TNIP3: variants seen among roughly 807,000 people sequenced by gnomAD.
The protein encoded by TNIP3 is TNFAIP3-interacting protein 3.
A neutral mutation model predicts 54.1 loss-of-function variants in TNIP3; 34 were observed. The ratio of observed to expected loss-of-function variants is 0.63; its 90% CI spans 0.48 to 0.84. TNIP3 has a LOEUF of 0.84. TNIP3 is among the 40% of genes least tolerant of loss of function. The pLI is 0.00. For missense variants in TNIP3, 366 were observed against 387.6 expected (o/e 0.94, Z 0.47); for synonymous variants, 134 against 136.8 (o/e 0.98, Z 0.14).
chr4:121,164,113 C>A lies in TNIP3; in HGVS notation c.13G>T (p.Val5Leu), dbSNP rs762720591. 25 of 1,613,522 alleles carry A rather than the reference C, an allele frequency of 1.5e-5. No individual in the cohort carries two copies. Among genetic ancestry groups the A allele is most frequent in the Non-Finnish European group, 1.9e-5 (22 of 1,179,768 alleles). MAHF[V>L]QGTSRMIAAE... The stretch of plus-strand genomic sequence containing the variant: ...GCAATCATTCTAGATGTGCCCTGTA[C>A]AAAATGTGCCATGGAAGCTGTTTTT... Residue 5 changes from valine (V) to leucine (L), a missense_variant, in exon 1 of 11, where the codon GTA becomes TTA. Val to Leu is a conservative substitution (Grantham distance 32, BLOSUM62 1). Transcript: ENST00000057513.
chr4:121,226,432 A>G (rs1045090754), intron 1 of TNIP3, among the ~76,000 whole-genome samples: 16 of 152,260 alleles, frequency 1.1e-4, no homozygotes, highest in African/African-American at 1.7e-4. Context: ...CCATTCCACA[A>G]ATATTTGCTT....
At chr4:121,165,863 G>A (rs1319254916), upstream of TNIP3, among the ~76,000 whole-genome samples, 2 of 152,172 alleles carry the variant, frequency 1.3e-5, no homozygotes, top group Non-Finnish European at 2.9e-5. Flanking sequence ...TACAGAAGCA[G>A]CGATTTCCTG....
At chr4:121,170,394 C>A (rs13102428) in intron 3 of TNIP3, among the ~76,000 whole-genome samples, 2 of 152,018 alleles carry the variant, frequency 1.3e-5, no homozygotes, top group South Asian at 4.1e-4. Context: ...ACAATGACCA[C>A]GGGGATACAC....
intron 1 of TNIP3, among the ~76,000 whole-genome samples, chr4:121,226,168 G>GAGAAAC (rs11281118): frequency 0.81 from 122,267 of 150,462 alleles, 49,963 homozygotes; most frequent in South Asian, 0.91. Flanking sequence ...ACAAAAAAGA[G>GAGAAAC]AGAAATAGAC....
rs142868450 is a variant in TNIP3, at chr4:121,176,485, T to G, written c.189+6191A>C. Among the ~76,000 whole-genome samples the G allele has an allele frequency of 6.5e-3, 992 of 151,536 alleles. 9 individuals are homozygous for G. The highest frequency in any genetic ancestry group is 0.026 in the South Asian group (124 of 4,786). On this transcript the variant is annotated intron_variant, in intron 3 of 12. Transcript: ENST00000507879. Reference sequence around the variant, plus strand: ...GTATGAGAAAACCATTAAAGAAAATTTTGAGGCTCAAGCTCATCCTACTAG... The same window carrying G: ...GTATGAGAAAACCATTAAAGAAAATGTTGAGGCTCAAGCTCATCCTACTAG...
intron 7 of TNIP3, among the ~76,000 whole-genome samples, chr4:121,145,691 G>C (rs553899345): frequency 6.6e-6 from 1 of 150,760 alleles, no homozygotes; most frequent in South Asian, 2.1e-4. Flanking sequence ...TGTTTTACTT[G>C]CTGTTTTACT....
intron 2 of TNIP3, among the ~76,000 whole-genome samples, chr4:121,216,249 G>C (rs1327603310): frequency 2.6e-5 from 4 of 152,146 alleles, no homozygotes; most frequent in East Asian, 1.9e-4. Context: ...TGTTCAGATA[G>C]ATAGGCCATA....
chr4:121,147,113 T>C lies in TNIP3; in HGVS notation c.671A>G (p.Glu224Gly). 6.2e-7 allele frequency: 1 copy of C among 1,613,558 alleles called. No homozygotes were observed. The highest frequency in any genetic ancestry group is 8.5e-7 in the Non-Finnish European group (1 of 1,179,692). Residue 224 changes from glutamate to glycine, a missense_variant, in exon 7 of 11, where the codon GAG becomes GGG. Physicochemically the swap from Glu to Gly is moderately conservative, Grantham distance 98 (BLOSUM62 -2). Transcript: ENST00000057513. Reference sequence around the variant, plus strand: ...ATTAATTTGCTGTAGCTCCTCTTTCTCTTGATTAAGTCTCTCTCGATCCGA... The same window carrying C: ...ATTAATTTGCTGTAGCTCCTCTTTCCCTTGATTAAGTCTCTCTCGATCCGA... ...ERSDRERLNQ[E>G]KEELQQINET...
intron 2 of TNIP3, among the ~76,000 whole-genome samples, chr4:121,185,809 C>T (rs956530524): frequency 6.6e-6 from 1 of 152,174 alleles, no homozygotes; most frequent in African/African-American, 2.4e-5. Flanking sequence ...CTGCCTTGTT[C>T]TTTTTTACTT....
intron 1 of TNIP3, among the ~76,000 whole-genome samples, chr4:121,222,918 G>C (rs1281512952): frequency 6.8e-6 from 1 of 146,920 alleles, no homozygotes; most frequent in East Asian, 2.1e-4. Flanking sequence ...CTATTCTCCT[G>C]CCTCAGCCTC....
rs1332427542 is a variant in TNIP3, at chr4:121,147,133, A to T, written c.651T>A (p.Asp217Glu). Reference sequence around the variant, plus strand: ...CTTTCTCTTGATTAAGTCTCTCTCGATCCGATCGTTCCTTTTTGAAGTCTT... The same window carrying T: ...CTTTCTCTTGATTAAGTCTCTCTCGTTCCGATCGTTCCTTTTTGAAGTCTT... ...YEEDFKKERS[D>E]RERLNQEKEE... Residue 217 changes from aspartate (D) to glutamate (E), a missense_variant, in exon 7 of 11, where the codon GAT (aspartate) becomes GAA (glutamate). Asp to Glu is a conservative substitution (Grantham distance 45). Transcript: ENST00000057513. 3 of 1,612,950 alleles carry T rather than the reference A, an allele frequency of 1.9e-6. No homozygotes were observed. In the East Asian group the frequency reaches 6.7e-5, roughly 36 times the overall value.
intron 2 of TNIP3, among the ~76,000 whole-genome samples, chr4:121,202,326 T>G (rs1428364606): frequency 6.6e-6 from 1 of 152,180 alleles, no homozygotes; most frequent in Non-Finnish European, 1.5e-5. Context: ...GGACTCCCTA[T>G]TCAACAAATG....
At chr4:121,178,243 C>T (rs1316034998) in intron 3 of TNIP3, among the ~76,000 whole-genome samples, 1 of 152,154 alleles carries the variant, frequency 6.6e-6, no homozygotes, top group Non-Finnish European at 1.5e-5. Context: ...GCATTGAACT[C>T]CAGTTTCCCC....
At position 121,213,460 on chromosome 4, in the gene TNIP3, C is replaced by T. The variant is rs1726588171; in HGVS notation, c.68+2955G>A. On this transcript the variant is annotated intron_variant, in intron 2 of 12. Coordinates refer to the TNIP3 transcript ENST00000507879. ...GACATTCTTCAGCCAGGCACGGTGG[C>T]TCACGCCTGTAATCCCAGCACTTTG... Among the ~76,000 whole-genome samples the T allele has an allele frequency of 2.0e-5, 3 of 152,186 alleles. No homozygotes were observed. The South Asian group carries it at 6.2e-4, about 32-fold the overall frequency.
intron 2 of TNIP3, among the ~76,000 whole-genome samples, chr4:121,186,453 A>C (rs1358838018): frequency 2.0e-5 from 3 of 152,234 alleles, no homozygotes; most frequent in Non-Finnish European, 4.4e-5. Context: ...CAGAACTTGC[A>C]TATGAACCCT....
upstream of TNIP3, among the ~76,000 whole-genome samples, chr4:121,219,644 C>G (rs1465667370): frequency 6.6e-6 from 1 of 152,136 alleles, no homozygotes; most frequent in Non-Finnish European, 1.5e-5. Context: ...TTCGTATTAC[C>G]AGTCATACTC....
At chr4:121,171,382 T>G (rs1723931831) in intron 3 of TNIP3, among the ~76,000 whole-genome samples, 1 of 152,186 alleles carries the variant, frequency 6.6e-6, no homozygotes, top group Non-Finnish European at 1.5e-5. Flanking sequence ...GATGAATAGA[T>G]GGTGAACAAG....
At position 121,191,250 on chromosome 4, in the gene TNIP3, G is replaced by T. The variant is rs114694883; in HGVS notation, c.69-8454C>A. ...GCTCCTAATCAACTTTATGAACAAGGCTGAGCCCCTATATTTAGGTGAAGA... is the reference window on the plus strand; with the variant it reads ...GCTCCTAATCAACTTTATGAACAAGTCTGAGCCCCTATATTTAGGTGAAGA... On this transcript the variant is annotated intron_variant, in intron 2 of 12. Coordinates refer to the TNIP3 transcript ENST00000507879. 4.5e-3 allele frequency among the ~76,000 whole-genome samples: 689 copies of T among 152,250 alleles called. 2 individuals carry two copies. Among genetic ancestry groups the T allele is most frequent in the African/African-American group, 0.011 (446 of 41,544 alleles).
At chr4:121,224,387 A>AAGAAAAC (rs1202000601) in intron 1 of TNIP3, among the ~76,000 whole-genome samples, 5 of 151,964 alleles carry the variant, frequency 3.3e-5, no homozygotes, top group African/African-American at 1.2e-4. Flanking sequence ...AAAAAGAAAA[A>AAGAAAAC]AGAAAAAGAA....
Sources: allele counts gnomAD v4.1 joint callset (sites outside exome capture counted in the v4.1 genomes callset), GRCh38; gene constraint gnomAD v4.1.1; transcripts MANE v1.5; gene names NCBI Gene and HGNC (gene_info 2026-07-23, HGNC 2026-07-21).